The following SERGEF variants were observed in gnomAD, a reference collection of about 807,000 sequenced individuals.
SERGEF encodes the protein secretion-regulating guanine nucleotide exchange factor.
A neutral mutation model predicts 50.0 loss-of-function variants in SERGEF; 51 were observed. That is an observed-to-expected ratio of 1.02 (90% CI 0.81 to 1.29). SERGEF has a LOEUF of 1.29. SERGEF is among the 50% of genes most tolerant of loss of function. The probability of loss-of-function intolerance (pLI) is 0.00; values close to 1 mark genes in which losing one functional copy is unlikely to be tolerated. For synonymous variants in SERGEF, 205 were observed against 212.4 expected, an observed-to-expected ratio of 0.97 and a Z score of 0.30; for missense variants, 521 against 557.0, an observed-to-expected ratio of 0.94 and a Z score of 0.65.
intron 9 of SERGEF, among the ~76,000 whole-genome samples, chr11:17,911,071 C>T (rs1356328852): frequency 6.6e-6 from 1 of 152,104 alleles, no homozygotes; most frequent in Non-Finnish European, 1.5e-5. Context: ...ACATGGGGCA[C>T]ATGAGATGAA....
chr11:17,795,991 A>C (rs1356853113), intron 10 of SERGEF, among the ~76,000 whole-genome samples: 1 of 152,108 alleles, frequency 6.6e-6, no homozygotes, highest in African/African-American at 2.4e-5. Flanking sequence ...ACATATTAAA[A>C]CTTTTTTTTA....
At chr11:17,934,194 G>A (rs1434458926) in intron 9 of SERGEF, among the ~76,000 whole-genome samples, 5 of 152,098 alleles carry the variant, frequency 3.3e-5, no homozygotes, top group Non-Finnish European at 5.9e-5. Context: ...AATGGGTCTA[G>A]GGACAATTTA....
chr11:17,929,892 T>G (rs1852320905), intron 9 of SERGEF, among the ~76,000 whole-genome samples: 1 of 152,226 alleles, frequency 6.6e-6, no homozygotes, highest in Non-Finnish European at 1.5e-5. Context: ...CATTACTTTA[T>G]AGTCTCAGAT....
chr11:17,830,649 G>GAGAGAGAGAGAGAGAGA lies in SERGEF; in HGVS notation c.1049-42237_1049-42236insTCTCTCTCTCTCTCTCT, dbSNP rs1554999450. 4.4e-4 allele frequency among the ~76,000 whole-genome samples: 34 copies of GAGAGAGAGAGAGAGAGA among 77,754 alleles called. 5 individuals are homozygous for GAGAGAGAGAGAGAGAGA. The highest frequency in any genetic ancestry group is 1.8e-3 in the African/African-American group (31 of 17,336). The allele number at this position is 77,754 out of a possible 152,430, so 51.0% of individuals were successfully genotyped here. On this transcript the variant is annotated intron_variant, in intron 10 of 10. Coordinates refer to ENST00000265965, the MANE Select transcript of SERGEF (RefSeq NM_012139.4). ...GAGGGAAAGGGGGAGGGAGAGGGAG[G>GAGAGAGAGAGAGAGAGA]GAGAGAGAGAGAGAGAGAGAGAGAG...
At chr11:17,908,733 C>CT (rs1851898133) in intron 9 of SERGEF, among the ~76,000 whole-genome samples, 2 of 152,034 alleles carry the variant, frequency 1.3e-5, no homozygotes, top group African/African-American at 4.8e-5. Context: ...GATGGGGGAG[C>CT]CTTAATGAAT....
rs554607695 is a variant in SERGEF at position 17,802,596 on chromosome 11, C to T, written c.1049-14183G>A. Among the ~76,000 whole-genome samples the T allele has an allele frequency of 2.0e-4, 31 of 152,330 alleles. 1 individual carries two copies. The East Asian group carries it at 4.2e-3, about 21-fold the overall frequency. On this transcript the variant is annotated intron_variant, in intron 10 of 10. Transcript: ENST00000265965. The stretch of plus-strand genomic sequence containing the variant: ...CTCTCTGATACCCACTGCTGCCACT[C>T]GCGTCCTCACCTTTCCTAATCCACT...
At chr11:17,918,653 T>C (rs765912) in intron 9 of SERGEF, 113,847 of 345,608 alleles carry the variant, frequency 0.33, 21,237 homozygotes, top group East Asian at 0.45. Context: ...CACACACACA[T>C]ACACACACAC....
chr11:18,007,754 T>C (rs1043523166), intron 2 of SERGEF, among the ~76,000 whole-genome samples, 187 bp downstream of exon 2: 1 of 152,186 alleles, frequency 6.6e-6, no homozygotes, highest in Non-Finnish European at 1.5e-5. Context: ...AGAAGATCTC[T>C]GAAGTCCTTC....
At chr11:17,915,410 G>A (rs1005000397) in intron 9 of SERGEF, among the ~76,000 whole-genome samples, 1 of 152,184 alleles carries the variant, frequency 6.6e-6, no homozygotes. Context: ...CTATTCTTCA[G>A]AGATGATCAC....
chr11:17,837,051 C>T (rs140839579), intron 10 of SERGEF, among the ~76,000 whole-genome samples: 6 of 152,228 alleles, frequency 3.9e-5, no homozygotes, highest in Middle Eastern at 3.4e-3. Flanking sequence ...AAGAACTAGC[C>T]GCTATCTATA....
At chr11:17,944,315 A>T (rs965371140) in intron 9 of SERGEF, among the ~76,000 whole-genome samples, 2 of 152,184 alleles carry the variant, frequency 1.3e-5, no homozygotes, top group African/African-American at 4.8e-5. Context: ...ACCAAAATTG[A>T]CATCACTGTC....
rs114038339 is a variant in SERGEF at position 17,937,535 on chromosome 11, T to G, written c.1011+21935A>C. Reference sequence around the variant, plus strand: ...CTGGGTGACAGAGAAAGACCTTCCCTCAAAAATAATAATAATAATAAATAA... The same window carrying G: ...CTGGGTGACAGAGAAAGACCTTCCCGCAAAAATAATAATAATAATAAATAA... On this transcript the variant is annotated intron_variant, in intron 9 of 10. Coordinates refer to ENST00000265965, the MANE Select transcript of SERGEF (RefSeq NM_012139.4). Among the ~76,000 whole-genome samples, 1,458 of 152,108 alleles carry G rather than the reference T, an allele frequency of 9.6e-3. 23 individuals carry two copies. The highest frequency in any genetic ancestry group is 0.033 in the African/African-American group (1,384 of 41,504).
intron 9 of SERGEF, among the ~76,000 whole-genome samples, chr11:17,900,470 T>C (rs1235548814): frequency 2.0e-5 from 3 of 152,250 alleles, no homozygotes; most frequent in East Asian, 1.9e-4. Context: ...TATGTACTTA[T>C]AGCAGCTAAA....
chr11:17,923,155 G>A (rs1196056123), intron 9 of SERGEF, among the ~76,000 whole-genome samples: 1 of 152,158 alleles, frequency 6.6e-6, no homozygotes, highest in African/African-American at 2.4e-5. Context: ...TTCTTCTCCT[G>A]CCATCAGCTG....
chr11:17,845,997 G>C (rs116801723), intron 10 of SERGEF, among the ~76,000 whole-genome samples: 1 of 152,116 alleles, frequency 6.6e-6, no homozygotes, highest in East Asian at 1.9e-4. Context: ...TCCCTCCAAC[G>C]TCATGCAGCC....
chr11:17,835,772 CTT>C (rs1318559903), intron 10 of SERGEF, among the ~76,000 whole-genome samples: 7 of 152,274 alleles, frequency 4.6e-5, no homozygotes, highest in African/African-American at 1.4e-4. Context: ...TTTAATATAA[CTT>C]AATACATTTT....
chr11:17,951,196 T>C (rs1408303999), intron 9 of SERGEF, among the ~76,000 whole-genome samples: 2 of 152,328 alleles, frequency 1.3e-5, no homozygotes, highest in Middle Eastern at 3.4e-3. Context: ...ACAAAACCTG[T>C]ACCCGAAGCA....
intron 10 of SERGEF, among the ~76,000 whole-genome samples, chr11:17,827,617 C>T (rs192067948): frequency 9.8e-5 from 15 of 152,310 alleles, no homozygotes; most frequent in Admixed American, 8.5e-4. Flanking sequence ...CTCGGCATCA[C>T]CTCCTACTCT....
chr11:17,960,549 GA>G (rs1465051376), intron 8 of SERGEF, among the ~76,000 whole-genome samples: 1 of 152,156 alleles, frequency 6.6e-6, no homozygotes, highest in Non-Finnish European at 1.5e-5. Context: ...TTTTAACAAA[GA>G]AAAACTTTGC....
Sources: gnomAD v4.1 joint callset for allele counts (sites outside exome capture counted in the v4.1 genomes callset) on GRCh38, gnomAD v4.1.1 for gene constraint, MANE v1.5 for transcripts, NCBI Gene and HGNC (gene_info 2026-07-23, HGNC 2026-07-21) for gene names.